Variants in GRID2 observed in about 807,000 individuals in gnomAD.
GRID2 encodes the protein glutamate ionotropic receptor delta type subunit 2.
In GRID2, 33 loss-of-function variants were observed where a neutral mutation model predicts 114.8. The observed-to-expected ratio is 0.29, with a 90% CI of 0.22 to 0.38. The LOEUF is 0.38. Among genes scored for constraint, GRID2 ranks in the 10% least tolerant of loss-of-function variants. GRID2 has a pLI of 1.00. For missense variants in GRID2, 1,184 were observed against 1,257.7 expected, an observed-to-expected ratio of 0.94 and a Z score of 0.89; for synonymous variants, 505 against 449.9, an observed-to-expected ratio of 1.12 and a Z score of -1.55.
At chr4:93,631,250 G>A (rs573337374) in intron 14 of GRID2, among the ~76,000 whole-genome samples, 1 of 151,860 alleles carries the variant, frequency 6.6e-6, no homozygotes, top group East Asian at 1.9e-4. Context: ...AAGTTCTAGG[G>A]TACATGTGCA....
At chr4:92,635,673 A>G (rs187522840) in intron 2 of GRID2, among the ~76,000 whole-genome samples, 2 of 152,228 alleles carry the variant, frequency 1.3e-5, no homozygotes, top group Admixed American at 1.3e-4. Flanking sequence ...ACAAAAATAT[A>G]TACAATTTTA....
At chr4:93,600,951 C>A (rs906154818) in intron 13 of GRID2, among the ~76,000 whole-genome samples, 3 of 152,142 alleles carry the variant, frequency 2.0e-5, no homozygotes, top group African/African-American at 7.2e-5. Context: ...TTCTATGAAG[C>A]TCAAGAGCCA....
chr4:93,081,852 T>A (rs1468304085), intron 2 of GRID2, among the ~76,000 whole-genome samples: 1 of 152,246 alleles, frequency 6.6e-6, no homozygotes, highest in African/African-American at 2.4e-5. Flanking sequence ...AATAGTCTCT[T>A]AATTGTCAAG....
chr4:93,681,614 T>A (rs13111858), intron 14 of GRID2, among the ~76,000 whole-genome samples: 2 of 151,986 alleles, frequency 1.3e-5, no homozygotes, highest in Admixed American at 6.6e-5. Context: ...AGAGCCCTCA[T>A]AAGTAATACC....
Position 93,270,956 on chromosome 4 carries a change from G to A in GRID2, c.1245+32466G>A, listed in dbSNP as rs180873149. On this transcript the variant is annotated intron_variant, in intron 8 of 15. Coordinates refer to ENST00000282020, the MANE Select transcript of GRID2 (RefSeq NM_001510.4). ...TAATATGTATTTTCTATAGGTTGGAGGACTCAGAAGTGTAGTGACTGATTT... is the reference window on the plus strand; with the variant it reads ...TAATATGTATTTTCTATAGGTTGGAAGACTCAGAAGTGTAGTGACTGATTT... 1.2e-3 allele frequency among the ~76,000 whole-genome samples: 179 copies of A among 152,166 alleles called. 3 individuals are homozygous for A. The highest frequency in any genetic ancestry group is 4.3e-3 in the African/African-American group (177 of 41,526).
chr4:92,611,429 C>G (rs1044032777), intron 2 of GRID2, among the ~76,000 whole-genome samples: 7 of 151,492 alleles, frequency 4.6e-5, no homozygotes, highest in Non-Finnish European at 1.0e-4. Flanking sequence ...CTAATCCTAT[C>G]AGATAAGGAC....
At chr4:92,710,832 T>A (rs913651244) in intron 2 of GRID2, among the ~76,000 whole-genome samples, 1 of 152,070 alleles carries the variant, frequency 6.6e-6, no homozygotes, top group Admixed American at 6.6e-5. Flanking sequence ...CACAATAATT[T>A]GTAAACTTCC....
At chr4:93,330,170 T>C (rs1211801157) in intron 8 of GRID2, among the ~76,000 whole-genome samples, 12 of 152,206 alleles carry the variant, frequency 7.9e-5, no homozygotes, top group Non-Finnish European at 1.5e-5. Context: ...CCTGCTCCTT[T>C]ATATTCAGGC....
At chr4:93,613,262 C>G (rs1741168595) in intron 13 of GRID2, among the ~76,000 whole-genome samples, 2 of 139,746 alleles carry the variant, frequency 1.4e-5, no homozygotes, top group Admixed American at 1.4e-4. Context: ...TTTGAATGTC[C>G]TCCCGTAGCT....
chr4:92,485,300 GCATATATATA>G (rs1412001663), intron 1 of GRID2, among the ~76,000 whole-genome samples: 2 of 35,146 alleles, frequency 5.7e-5, no homozygotes, highest in Non-Finnish European at 9.9e-5. Flanking sequence ...TAAGGTGTGT[GCATATATATA>G]TATATATATA....
chr4:93,076,563 C>A lies in GRID2; in HGVS notation c.245-8432C>A, dbSNP rs1021667816. ...CAAGAATAGTCATTGGATATTGATG[C>A]AGTATTACTAACTGAGCCGCAGACC... is the stretch of plus-strand genomic sequence containing the variant. On this transcript the variant is annotated intron_variant, in intron 2 of 15. Coordinates refer to ENST00000282020, the MANE Select transcript of GRID2 (RefSeq NM_001510.4). Among the ~76,000 whole-genome samples, 25 of 148,442 alleles carry A rather than the reference C, an allele frequency of 1.7e-4. No individual in the cohort carries two copies. In the Admixed American group the frequency reaches 1.7e-3, roughly 10 times the overall value.
chr4:92,693,002 G>A (rs193004938), intron 2 of GRID2, among the ~76,000 whole-genome samples: 8 of 146,670 alleles, frequency 5.5e-5, no homozygotes, highest in South Asian at 2.2e-4. Flanking sequence ...CAGCCTGGGC[G>A]ATAGAGCGAA....
chr4:92,977,703 T>C (rs1753959228), intron 2 of GRID2, among the ~76,000 whole-genome samples: 1 of 152,086 alleles, frequency 6.6e-6, no homozygotes, highest in African/African-American at 2.4e-5. Context: ...GGGTTGACAA[T>C]AGAGTTGGAG....
intron 1 of GRID2, among the ~76,000 whole-genome samples, chr4:92,329,529 A>G (rs6824597): frequency 0.015 from 2,294 of 152,130 alleles, 20 homozygotes; most frequent in South Asian, 0.03. Context: ...TTATTATTTC[A>G]TTGCATTTAA....
At chr4:92,714,731 T>A (rs537768908) in intron 2 of GRID2, among the ~76,000 whole-genome samples, 1 of 152,270 alleles carries the variant, frequency 6.6e-6, no homozygotes, top group African/African-American at 2.4e-5. Flanking sequence ...AGCCACAGCT[T>A]GAGCTGGACC....
chr4:93,002,988 T>A (rs1721159284), intron 2 of GRID2, among the ~76,000 whole-genome samples: 1 of 151,888 alleles, frequency 6.6e-6, no homozygotes, highest in African/African-American at 2.4e-5. Context: ...TTTTATGTTG[T>A]CAGATCTCTC....
chr4:92,477,425 G>A (rs1267944759), intron 1 of GRID2, among the ~76,000 whole-genome samples: 1 of 151,890 alleles, frequency 6.6e-6, no homozygotes, highest in Non-Finnish European at 1.5e-5. Flanking sequence ...ACATACTACT[G>A]TCGTGGTTCA....
chr4:93,227,158 C>A (rs1745576387), intron 7 of GRID2, among the ~76,000 whole-genome samples: 1 of 152,274 alleles, frequency 6.6e-6, no homozygotes, highest in Admixed American at 6.5e-5. Flanking sequence ...TGATAAATAG[C>A]ACATCGCTCC....
At position 93,570,985 on chromosome 4, in the gene GRID2, C is replaced by A. The variant is rs1735880260; in HGVS notation, c.2194-55284C>A. Among the ~76,000 whole-genome samples the A allele has an allele frequency of 3.9e-5, 6 of 152,108 alleles. 1 individual carries two copies. The South Asian group carries it at 1.2e-3, about 31-fold the overall frequency. On this transcript the variant is annotated intron_variant, in intron 13 of 15. Transcript: ENST00000282020. ...TTCTTTCATTCATCCATTTATTCAT[C>A]CCTGTTCATTCATTTAACAGCTATT...
Sources: allele counts gnomAD v4.1 joint callset (sites outside exome capture counted in the v4.1 genomes callset), GRCh38; gene constraint gnomAD v4.1.1; transcripts MANE v1.5; gene names NCBI Gene and HGNC (gene_info 2026-07-23, HGNC 2026-07-21).